ZCWPW2: variants seen among roughly 807,000 people sequenced by gnomAD.
ZCWPW2 encodes zinc finger CW-type PWWP domain protein 2.
A neutral mutation model predicts 46.6 loss-of-function variants in ZCWPW2; 45 were observed. The observed-to-expected ratio is 0.96, with a 90% CI of 0.76 to 1.24. ZCWPW2 has a LOEUF of 1.24. Ranked by LOEUF, ZCWPW2 falls within the 50% of genes most tolerant of loss-of-function variation. The probability of loss-of-function intolerance (pLI) is 0.00; values close to 1 mark genes in which losing one functional copy is unlikely to be tolerated. For missense variants in ZCWPW2, 429 were observed against 403.9 expected, an observed-to-expected ratio of 1.06 and a Z score of -0.53; for synonymous variants, 152 against 137.1, an observed-to-expected ratio of 1.11 and a Z score of -0.76.
intron 6 of ZCWPW2, among the ~76,000 whole-genome samples, chr3:28,495,959 T>C (rs972239511): frequency 6.6e-6 from 1 of 152,068 alleles, no homozygotes; most frequent in Non-Finnish European, 1.5e-5. Context: ...TTTTGGATGT[T>C]CTGCTGGACT....
intron 2 of ZCWPW2, among the ~76,000 whole-genome samples, chr3:28,405,799 T>C (rs1051638161): frequency 2.0e-5 from 3 of 152,018 alleles, no homozygotes; most frequent in Non-Finnish European, 4.4e-5. Flanking sequence ...ATGATTCTGG[T>C]GAGGGCCCAG....
At chr3:28,508,719 G>T (rs1700344777) in intron 6 of ZCWPW2, among the ~76,000 whole-genome samples, 1 of 151,970 alleles carries the variant, frequency 6.6e-6, no homozygotes, top group Admixed American at 6.6e-5. Context: ...GTAGAGACGG[G>T]GTTTCACCTT....
chr3:28,508,824 G>A (rs1465959320), intron 6 of ZCWPW2, among the ~76,000 whole-genome samples: 3 of 152,102 alleles, frequency 2.0e-5, no homozygotes, highest in Non-Finnish European at 2.9e-5. Flanking sequence ...CACTACTCCT[G>A]TCCCTTTCAA....
intron 1 of ZCWPW2, among the ~76,000 whole-genome samples, chr3:28,370,212 G>A (rs1705275723): frequency 6.6e-6 from 1 of 152,198 alleles, no homozygotes; most frequent in Admixed American, 6.5e-5. Flanking sequence ...TGGTACCTCA[G>A]TTGGAAATGC....
At chr3:28,462,033 C>T (rs1482337663) in intron 4 of ZCWPW2, among the ~76,000 whole-genome samples, 1 of 152,118 alleles carries the variant, frequency 6.6e-6, no homozygotes, top group African/African-American at 2.4e-5. Flanking sequence ...AGTAGTCAGG[C>T]CCCTTACATT....
At chr3:28,486,520 C>A (rs1699604907) in intron 5 of ZCWPW2, among the ~76,000 whole-genome samples, 1 of 151,952 alleles carries the variant, frequency 6.6e-6, no homozygotes, top group Admixed American at 6.6e-5. Context: ...CTATTGGCAA[C>A]AAATGCCTCC....
intron 9 of ZCWPW2, among the ~76,000 whole-genome samples, chr3:28,523,564 T>TG (rs1559539747): frequency 2.0e-5 from 3 of 152,148 alleles, no homozygotes; most frequent in Non-Finnish European, 4.4e-5. Flanking sequence ...GTTGATTCTC[T>TG]GAGCAGATAT....
chr3:28,520,167 G>A (rs1173701620), intron 8 of ZCWPW2, among the ~76,000 whole-genome samples: 1 of 151,808 alleles, frequency 6.6e-6, no homozygotes, highest in Non-Finnish European at 1.5e-5. Context: ...ACCACGCCAG[G>A]CTAATTTTTT....
At chr3:28,369,509 C>T (rs1323245337) in intron 1 of ZCWPW2, among the ~76,000 whole-genome samples, 1 of 152,174 alleles carries the variant, frequency 6.6e-6, no homozygotes, top group African/African-American at 2.4e-5. Flanking sequence ...CTGATCATTC[C>T]TCTGGAAGTT....
rs539987334 is a variant in ZCWPW2, at chr3:28,506,108, T to A, written c.658-7956T>A. 1.2e-3 allele frequency among the ~76,000 whole-genome samples: 170 copies of A among 147,352 alleles called. 1 individual carries two copies. Among genetic ancestry groups the A allele is most frequent in the African/African-American group, 3.9e-3 (157 of 40,656 alleles). ...TATTATATATATAATATATAATATATATATTTAACAAATATATATTTTTAA... is the reference window on the plus strand; with the variant it reads ...TATTATATATATAATATATAATATAAATATTTAACAAATATATATTTTTAA... On this transcript the variant is annotated intron_variant, in intron 6 of 9. Coordinates refer to ENST00000383768, the MANE Select transcript of ZCWPW2 (RefSeq NM_001040432.4).
chr3:28,373,018 T>C (rs1026599946), intron 1 of ZCWPW2, among the ~76,000 whole-genome samples: 12 of 152,062 alleles, frequency 7.9e-5, no homozygotes, highest in African/African-American at 2.7e-4. Context: ...TATATCTATC[T>C]ATCTACACAG....
At chr3:28,493,630 A>G (rs1305903834) in intron 6 of ZCWPW2, among the ~76,000 whole-genome samples, 1 of 83,786 alleles carries the variant, frequency 1.2e-5, no homozygotes, top group Non-Finnish European at 2.6e-5. Flanking sequence ...GTGTCTTTAT[A>G]GCAGCATGAT....
At position 28,412,931 on chromosome 3, in the gene ZCWPW2, G is replaced by A; in HGVS notation, c.-13-125G>A. The A allele has an allele frequency of 4.4e-6, 3 of 684,376 alleles. No individual in the cohort carries two copies. In the East Asian group the frequency reaches 8.3e-5, roughly 19 times the overall value. The allele number at this position is 684,376 out of a possible 1,614,324, so 42.4% of individuals were successfully genotyped here. On this transcript the variant is annotated intron_variant, in intron 2 of 9. Transcript: ENST00000383768. ...AACGTGTTCAACATATGTAGTCTTT[G>A]TAGGATAGAGAGGGGGTGGGCATAG... is the stretch of plus-strand genomic sequence containing the variant.
intron 1 of ZCWPW2, among the ~76,000 whole-genome samples, chr3:28,376,410 C>T (rs953253913): frequency 6.6e-6 from 1 of 152,068 alleles, no homozygotes; most frequent in African/African-American, 2.4e-5. Flanking sequence ...ACAGATTGCT[C>T]TAGCTATTTT....
chr3:28,438,078 A>G (rs1248333159), intron 4 of ZCWPW2, among the ~76,000 whole-genome samples: 1 of 152,144 alleles, frequency 6.6e-6, no homozygotes, highest in African/African-American at 2.4e-5. Context: ...ACAGTTGCAC[A>G]TGTTTCTGGA....
chr3:28,383,495 C>G (rs935810604), intron 1 of ZCWPW2, among the ~76,000 whole-genome samples: 4 of 151,766 alleles, frequency 2.6e-5, no homozygotes, highest in African/African-American at 4.8e-5. Context: ...ATTCAATTAG[C>G]CTTTATGAAG....
At chr3:28,353,647 C>A (rs1301314345) in intron 1 of ZCWPW2, among the ~76,000 whole-genome samples, 1 of 152,154 alleles carries the variant, frequency 6.6e-6, no homozygotes, top group Non-Finnish European at 1.5e-5. Context: ...TGTTTGCATT[C>A]AATAGGAATT....
At chr3:28,441,191 C>T (rs1697742407) in intron 4 of ZCWPW2, among the ~76,000 whole-genome samples, 4 of 152,174 alleles carry the variant, frequency 2.6e-5, no homozygotes, top group African/African-American at 9.7e-5. Flanking sequence ...TCTTTTCTGG[C>T]GTCACCTATT....
rs965717636 is a variant in ZCWPW2 at position 28,409,176 on chromosome 3, A to G, written c.-13-3880A>G. On this transcript the variant is annotated intron_variant, in intron 2 of 9. Transcript: ENST00000383768. ...CACTTTGTCACCCAGGCTGGAATGC[A>G]TGGTGCGATCTTGGCTCACTGCAAC... Among the ~76,000 whole-genome samples, 8 of 123,846 alleles carry G rather than the reference A, an allele frequency of 6.5e-5. No individual in the cohort carries two copies. The East Asian group carries it at 7.1e-4, about 11-fold the overall frequency. The allele number at this position is 123,846 out of a possible 152,430, so 81.2% of individuals were successfully genotyped here. A position where few individuals can be genotyped will look rare whatever the true frequency, so the allele number is the denominator to read the frequency against.
Sources: allele counts gnomAD v4.1 joint callset (sites outside exome capture counted in the v4.1 genomes callset), GRCh38; gene constraint gnomAD v4.1.1; transcripts MANE v1.5; gene names NCBI Gene and HGNC (gene_info 2026-07-23, HGNC 2026-07-21).